Variants in SBF2 observed in about 807,000 individuals in gnomAD.
SBF2 encodes the protein myotubularin-related protein 13.
Under a neutral mutation model 225.2 loss-of-function variants are expected in SBF2, and 112 were observed. The ratio of observed to expected loss-of-function variants is 0.50; its 90% CI spans 0.43 to 0.58. The LOEUF is 0.58. Among genes scored for constraint, SBF2 ranks in the 20% least tolerant of loss-of-function variants. The pLI, the probability that SBF2 is intolerant of heterozygous loss-of-function variation, is 0.00. For synonymous variants in SBF2, 763 were observed against 773.3 expected, an observed-to-expected ratio of 0.99 and a Z score of 0.22; for missense variants, 1,996 against 2,206.2, an observed-to-expected ratio of 0.90 and a Z score of 1.91.
chr11:10,010,766 T>C (rs1948418742), intron 6 of SBF2, among the ~76,000 whole-genome samples: 1 of 152,244 alleles, frequency 6.6e-6, no homozygotes, highest in African/African-American at 2.4e-5. Flanking sequence ...TTTTTCTAAT[T>C]TTCTGAAAAA....
At chr11:9,963,281 A>AT (rs1166903910) in intron 15 of SBF2, among the ~76,000 whole-genome samples, 1 of 152,000 alleles carries the variant, frequency 6.6e-6, no homozygotes, top group Non-Finnish European at 1.5e-5. Flanking sequence ...TCTGGCCAAC[A>AT]TGGTGAAACC....
At chr11:10,090,186 G>A (rs529943110) in intron 2 of SBF2, among the ~76,000 whole-genome samples, 1 of 152,094 alleles carries the variant, frequency 6.6e-6, no homozygotes, top group African/African-American at 2.4e-5. Flanking sequence ...GAATGATGAG[G>A]GAAATGGGGT....
intron 28 of SBF2, chr11:9,828,059 A>C (rs2133929411): frequency 2.2e-6 from 2 of 907,352 alleles, no homozygotes; most frequent in Middle Eastern, 2.6e-4. Flanking sequence ...AATATCAACT[A>C]TCTAGAAAAA....
intron 26 of SBF2, 161 bp downstream of exon 26, chr11:9,839,337 C>T: frequency 1.3e-6 from 1 of 743,118 alleles, no homozygotes; most frequent in Non-Finnish European, 2.3e-6. Context: ...GGTAATTGTT[C>T]CGAGAATGCC....
At chr11:10,132,689 G>A (rs1468613688) in intron 2 of SBF2, among the ~76,000 whole-genome samples, 1 of 148,598 alleles carries the variant, frequency 6.7e-6, no homozygotes, top group Non-Finnish European at 1.5e-5. Flanking sequence ...TGCAAAGAAC[G>A]AAAGAACAAA....
Position 9,780,090 on chromosome 11 carries a change from TGAA to T in SBF2, c.*325_*327del, listed in dbSNP as rs1429721368. On this transcript the variant is annotated 3_prime_UTR_variant, in exon 40 of 40. Coordinates refer to ENST00000256190, the MANE Select transcript of SBF2 (RefSeq NM_030962.4). ...AACAAAAAAGGATCTATAGCTTTCA[TGAA>T]GAAGGACCCAAGTAGGTGGTAGCCA... 3 of 362,680 alleles carry T rather than the reference TGAA, an allele frequency of 8.3e-6. No homozygotes were observed. Among genetic ancestry groups the T allele is most frequent in the Admixed American group, 3.7e-5 (1 of 27,142 alleles). 22.5% of individuals were successfully genotyped at this position (362,680 alleles called of 1,614,324 possible).
chr11:9,989,976 A>C (rs1431683852), intron 12 of SBF2, among the ~76,000 whole-genome samples: 1 of 152,210 alleles, frequency 6.6e-6, no homozygotes, highest in African/African-American at 2.4e-5. Context: ...CTCTAGTCCT[A>C]GCTCTGCTGA....
At chr11:10,259,949 C>G (rs1301415418) in intron 1 of SBF2, among the ~76,000 whole-genome samples, 1 of 152,074 alleles carries the variant, frequency 6.6e-6, no homozygotes, top group Non-Finnish European at 1.5e-5. Context: ...CATTTATTAG[C>G]TGATTTTAAC....
intron 10 of SBF2, 61 bp from the exon 11 acceptor site, chr11:9,993,164 G>T: frequency 7.9e-7 from 1 of 1,262,754 alleles, no homozygotes; most frequent in Non-Finnish European, 1.1e-6. Context: ...GAAATATCAA[G>T]TCAAAAAGGT....
At chr11:10,152,527 C>T (rs1955257425) in intron 2 of SBF2, among the ~76,000 whole-genome samples, 2 of 149,192 alleles carry the variant, frequency 1.3e-5, no homozygotes, top group African/African-American at 5.0e-5. Context: ...CCAGCCTGGG[C>T]AACAAGAGTG....
At chr11:9,976,888 C>A (rs1028982147) in intron 13 of SBF2, among the ~76,000 whole-genome samples, 1 of 151,882 alleles carries the variant, frequency 6.6e-6, no homozygotes, top group Non-Finnish European at 1.5e-5. Context: ...CCTGCCTCAG[C>A]CTCTCCGAGT....
chr11:9,972,559 C>T (rs552356321), intron 13 of SBF2, among the ~76,000 whole-genome samples: 1 of 152,310 alleles, frequency 6.6e-6, no homozygotes, highest in South Asian at 2.1e-4. Context: ...CTGCTCGCTG[C>T]AACCTCTGCC....
At chr11:9,857,433 C>A (rs1857404860) in intron 18 of SBF2, among the ~76,000 whole-genome samples, 1 of 152,192 alleles carries the variant, frequency 6.6e-6, no homozygotes, top group South Asian at 2.1e-4. Flanking sequence ...ATCAAAAGCA[C>A]CCCCGAAGCC....
intron 2 of SBF2, among the ~76,000 whole-genome samples, chr11:10,177,098 T>C (rs574596365): frequency 6.6e-6 from 1 of 152,006 alleles, no homozygotes; most frequent in Non-Finnish European, 1.5e-5. Flanking sequence ...AACCACATGA[T>C]TATCTCAATA....
chr11:10,093,049 T>G lies in SBF2; in HGVS notation c.142-50068A>C, dbSNP rs79280226. Among the ~76,000 whole-genome samples, 820 of 151,818 alleles carry G rather than the reference T, an allele frequency of 5.4e-3. 10 individuals are homozygous for G. The highest frequency in any genetic ancestry group is 4.4e-3 in the Non-Finnish European group (300 of 67,868). The stretch of plus-strand genomic sequence containing the variant: ...TTTTTTTTTGTTTGAGACAGGGTCT[T>G]GCTGTTACCCAGGCTGGAGGGCAGT... On this transcript the variant is annotated intron_variant, in intron 2 of 39. Coordinates refer to ENST00000256190, the MANE Select transcript of SBF2 (RefSeq NM_030962.4).
intron 2 of SBF2, among the ~76,000 whole-genome samples, chr11:10,047,103 ACT>A (rs943594844): frequency 1.7e-4 from 26 of 152,198 alleles, no homozygotes; most frequent in African/African-American, 6.0e-4. Flanking sequence ...AAACTATAAC[ACT>A]CTGATGAAAG....
At chr11:9,841,822 C>T (rs2133959235) in intron 25 of SBF2, among the ~76,000 whole-genome samples, 2 of 152,360 alleles carry the variant, frequency 1.3e-5, no homozygotes, top group South Asian at 4.1e-4. Context: ...GCATGAGCCA[C>T]TGCGCCTGGC....
At chr11:10,021,001 A>G (rs1948835424) in intron 6 of SBF2, among the ~76,000 whole-genome samples, 4 of 152,164 alleles carry the variant, frequency 2.6e-5, no homozygotes. Flanking sequence ...GCCAAAGTTA[A>G]CCATGGACAA....
chr11:10,279,827 G>T (rs11042716), intron 1 of SBF2, among the ~76,000 whole-genome samples: 74,542 of 151,730 alleles, frequency 0.49, 18,655 homozygotes, highest in Non-Finnish European at 0.54. Flanking sequence ...TTTTGGTATT[G>T]TTAGTAGAGA....
Sources: allele counts gnomAD v4.1 joint callset (sites outside exome capture counted in the v4.1 genomes callset), GRCh38; gene constraint gnomAD v4.1.1; transcripts MANE v1.5; gene names NCBI Gene and HGNC (gene_info 2026-07-23, HGNC 2026-07-21).